Variants in GSTZ1 observed in about 807,000 individuals in gnomAD.
GSTZ1 encodes maleylacetoacetate isomerase.
Under a neutral mutation model 35.9 loss-of-function variants are expected in GSTZ1, and 34 were observed. The observed-to-expected ratio is 0.95, with a 90% CI of 0.72 to 1.26. The LOEUF is 1.26. GSTZ1 is among the 50% of genes most tolerant of loss of function. GSTZ1 has a pLI of 0.00. For synonymous variants in GSTZ1, 93 were observed against 101.2 expected (o/e 0.92, Z 0.49); for missense variants, 263 against 271.7 (o/e 0.97, Z 0.23).
Position 77,327,912 on chromosome 14 carries a change from C to T in GSTZ1, c.217C>T (p.Leu73=). 6.2e-7 allele frequency: 1 copy of T among 1,613,876 alleles called. No homozygotes were observed. Among genetic ancestry groups the T allele is most frequent in the Non-Finnish European group, 8.5e-7 (1 of 1,179,926 alleles). The change falls in exon 5 of 9, where the codon CTG becomes TTG. Residue 73 remains leucine, a splice_region_variant and synonymous_variant. Coordinates refer to ENST00000216465, the MANE Select transcript of GSTZ1 (RefSeq NM_145870.3). ...KIDGITIHQS[L]AIIEYLEEMR... is the part of the protein sequence containing the mutation. Reference sequence around the variant, plus strand: ...TGCCTCACTGCTCCCCTCTGGACAGCTGGCCATCATTGAGTATCTAGAGGA... The same window carrying T: ...TGCCTCACTGCTCCCCTCTGGACAGTTGGCCATCATTGAGTATCTAGAGGA...
At chr14:77,329,992 T>C in intron 7 of GSTZ1, 185 bp downstream of exon 7, 1 of 648,580 alleles carries the variant, frequency 1.5e-6, no homozygotes, top group Non-Finnish European at 2.8e-6. Flanking sequence ...AGACTGGCTG[T>C]GAGAGGATGA....
chr14:77,324,514 C>G, intron 1 of GSTZ1: 1 of 1,194,438 alleles, frequency 8.4e-7, no homozygotes, highest in South Asian at 1.3e-5. Flanking sequence ...CCCATTGGCT[C>G]CTGAAATCCA....
chr14:77,321,436 C>G lies in GSTZ1; in HGVS notation c.15+253C>G, dbSNP rs8177540. 6.7e-4 allele frequency: 1,024 copies of G among 1,524,156 alleles called. 3 individuals carry two copies. The African/African-American group carries it at 0.012, about 18-fold the overall frequency. The allele number at this position is 1,524,156 out of a possible 1,614,324, so 94.4% of individuals were successfully genotyped here. A position where few individuals can be genotyped will look rare whatever the true frequency, so the allele number is the denominator to read the frequency against. On this transcript the variant is annotated intron_variant, in intron 1 of 8. Coordinates refer to ENST00000216465, the MANE Select transcript of GSTZ1 (RefSeq NM_145870.3). ...AGGGTGGAGTCGCTGTCCGGTCGCGCTTCACTTCTGCTCCGCCCTCCCTGC... is the reference window on the plus strand; with the variant it reads ...AGGGTGGAGTCGCTGTCCGGTCGCGGTTCACTTCTGCTCCGCCCTCCCTGC...
At chr14:77,326,120 AC>A (rs1304936015) in intron 2 of GSTZ1, 1 of 152,258 alleles carries the variant, frequency 6.6e-6, no homozygotes, top group African/African-American at 2.4e-5. Flanking sequence ...TGTAATACAC[AC>A]ATGCATGCAC....
At chr14:77,323,924 G>A (rs1447692569) in intron 1 of GSTZ1, 2 of 152,326 alleles carry the variant, frequency 1.3e-5, no homozygotes, top group Admixed American at 6.5e-5. Flanking sequence ...TCATTTTAGG[G>A]CAACCTTTGT....
chr14:77,328,184 G>C (rs530136613), intron 5 of GSTZ1, 147 bp downstream of exon 5: 20 of 782,868 alleles, frequency 2.6e-5, no homozygotes, highest in Non-Finnish European at 4.0e-5. Context: ...GTGAAAGAAG[G>C]GGGTGAAGAT....
Position 77,326,858 on chromosome 14 carries a change from G to A in GSTZ1, c.88G>A (p.Asp30Asn), listed in dbSNP as rs774350894. ...VRIALALKGI[D>N]YETVPINLIK... Reference sequence around the variant, plus strand: ...CCTAGCTCTGGCCTTGAAAGGCATCGACTACGAGACGGTGCCCATCAATCT... The same window carrying A: ...CCTAGCTCTGGCCTTGAAAGGCATCAACTACGAGACGGTGCCCATCAATCT... Residue 30 changes from aspartate (D) to asparagine (N), a missense_variant, in exon 3 of 9, where the codon GAC becomes AAC. Physicochemically the swap from Asp to Asn is conservative, Grantham distance 23 (BLOSUM62 1). Transcript: ENST00000216465. 1.4e-5 allele frequency: 23 copies of A among 1,607,160 alleles called. No individual in the cohort carries two copies. In the Admixed American group the frequency reaches 1.5e-4, roughly 11 times the overall value.
At chr14:77,327,886 C>T in intron 4 of GSTZ1, 26 bp from the exon 5 acceptor site, 1 of 1,613,104 alleles carries the variant, frequency 6.2e-7, no homozygotes. Context: ...GGCCCTCTCC[C>T]TGCCTCACTG....
chr14:77,322,721 T>C, intron 1 of GSTZ1: 4 of 985,376 alleles, frequency 4.1e-6, no homozygotes, highest in Non-Finnish European at 4.8e-6. Context: ...ATCTTTACTT[T>C]CTCCACAAAA....
At position 77,329,921 on chromosome 14, in the gene GSTZ1, A is replaced by T. The variant is rs576526704; in HGVS notation, c.474+114A>T. 4 of 802,272 alleles carry T rather than the reference A, an allele frequency of 5.0e-6. No individual in the cohort carries two copies. The African/African-American group carries it at 5.0e-5, about 10-fold the overall frequency. 49.7% of individuals were successfully genotyped at this position (802,272 alleles called of 1,614,324 possible). A position where few individuals can be genotyped will look rare whatever the true frequency, so the allele number is the denominator to read the frequency against. ...GCGTCTGCAGGGGGATCTCTGTGCC[A>T]TGGGGCACTCCTCAGCTCACTCCCA... On this transcript the variant is annotated intron_variant, in intron 7 of 8. Coordinates refer to ENST00000216465, the MANE Select transcript of GSTZ1 (RefSeq NM_145870.3).
intron 5 of GSTZ1, 98 bp downstream of exon 5, chr14:77,328,135 G>A: frequency 7.5e-6 from 9 of 1,206,636 alleles, no homozygotes; most frequent in Non-Finnish European, 1.1e-5. Flanking sequence ...GGGTGTCAAG[G>A]GAGGGAGGGG....
At chr14:77,323,756 TCA>T (rs1892151507) in intron 1 of GSTZ1, 1 of 152,242 alleles carries the variant, frequency 6.6e-6, no homozygotes. Flanking sequence ...GCTTTTGACC[TCA>T]CCTTTGGGGT....
chr14:77,324,955 G>A, intron 2 of GSTZ1, 34 bp downstream of exon 2: 1 of 1,575,872 alleles, frequency 6.3e-7, no homozygotes, highest in Middle Eastern at 1.7e-4. Context: ...ATGAGTGCTG[G>A]AGTGGGGTGG....
Position 77,330,369 on chromosome 14 carries a change from A to G in GSTZ1, c.524+10A>G. On this transcript the variant is annotated intron_variant, in intron 8 of 8. Transcript: ENST00000216465. ...TGGCAAATGCTGAAAGGTAAGAGAG[A>G]GCCCCGCCACCCTCCCTTCTCGTGG... The G allele has an allele frequency of 6.2e-7, 1 of 1,607,310 alleles. No individual in the cohort carries two copies. The highest frequency in any genetic ancestry group is 1.1e-5 in the South Asian group (1 of 90,932).
At chr14:77,321,927 C>T (rs898391829) in intron 1 of GSTZ1, among the ~76,000 whole-genome samples, 2 of 151,324 alleles carry the variant, frequency 1.3e-5, no homozygotes, top group African/African-American at 4.9e-5. Flanking sequence ...GCAGTCATGA[C>T]AATCACCTGG....
At chr14:77,324,073 G>A (rs4147578) in intron 1 of GSTZ1, 39,304 of 160,406 alleles carry the variant, frequency 0.25, 5,324 homozygotes, top group East Asian at 0.39. Context: ...ATCAAAACCA[G>A]GCCACGCTCT....
rs906018471 is a variant in GSTZ1, at chr14:77,331,299, A to C, written c.*104A>C. The C allele has an allele frequency of 7.7e-6, 10 of 1,301,618 alleles. No individual in the cohort carries two copies. The highest frequency in any genetic ancestry group is 1.0e-5 in the Non-Finnish European group (10 of 961,828). 80.6% of individuals were successfully genotyped at this position (1,301,618 alleles called of 1,614,324 possible). A position where few individuals can be genotyped will look rare whatever the true frequency, so the allele number is the denominator to read the frequency against. ...TTAATTGAGGAGATGGGAGACTCGAACTCTAGCCCTGGATCTGCCTTCCTG... is the reference window on the plus strand; with the variant it reads ...TTAATTGAGGAGATGGGAGACTCGACCTCTAGCCCTGGATCTGCCTTCCTG... On this transcript the variant is annotated 3_prime_UTR_variant, in exon 9 of 9. Transcript: ENST00000216465.
chr14:77,326,486 G>T, intron 2 of GSTZ1: 1 of 213,364 alleles, frequency 4.7e-6, no homozygotes. Flanking sequence ...CCCTGGGGGG[G>T]CAGAGTTAAA....
chr14:77,330,284 T>C, intron 7 of GSTZ1, 26 bp from the exon 8 acceptor site: 1 of 1,594,404 alleles, frequency 6.3e-7, no homozygotes, highest in Non-Finnish European at 8.6e-7. Context: ...TGCACCCTGA[T>C]GGGAACCCAC....
Sources: allele counts gnomAD v4.1 joint callset (sites outside exome capture counted in the v4.1 genomes callset), GRCh38; gene constraint gnomAD v4.1.1; transcripts MANE v1.5; gene names NCBI Gene and HGNC (gene_info 2026-07-23, HGNC 2026-07-21).